CA10: variants seen among roughly 807,000 people sequenced by gnomAD.
The protein encoded by CA10 is carbonic anhydrase 10 (inactive).
CA10 carries 14 observed loss-of-function variants against 44.2 expected under a neutral mutation model. The ratio of observed to expected loss-of-function variants is 0.32; its 90% confidence interval spans 0.21 to 0.50. The LOEUF (loss-of-function observed/expected upper bound fraction) is 0.50. Ranked by LOEUF, CA10 falls within the 20% of genes least tolerant of loss-of-function variation. The pLI is 0.99. For missense variants in CA10, 350 were observed against 409.7 expected (o/e 0.85, Z 1.26); for synonymous variants, 159 against 141.6 (o/e 1.12, Z -0.87).
chr17:51,980,616 G>C (rs926327491), intron 2 of CA10, among the ~76,000 whole-genome samples: 1 of 152,096 alleles, frequency 6.6e-6, no homozygotes, highest in African/African-American at 2.4e-5. Flanking sequence ...GGATGGTATT[G>C]CCTAGGTTGT....
At chr17:51,642,879 G>T (rs1913150368) in intron 6 of CA10, among the ~76,000 whole-genome samples, 1 of 152,154 alleles carries the variant, frequency 6.6e-6, no homozygotes, top group Admixed American at 6.5e-5. Context: ...CTGACTTCAG[G>T]TGATCTGCCC....
chr17:51,990,396 C>T (rs1214780902), intron 2 of CA10, among the ~76,000 whole-genome samples: 1 of 151,204 alleles, frequency 6.6e-6, no homozygotes, highest in African/African-American at 2.4e-5. Context: ...TCTATAATAT[C>T]CAAACAGAAT....
intron 2 of CA10, among the ~76,000 whole-genome samples, chr17:52,036,317 C>T (rs997375391): frequency 2.0e-5 from 3 of 152,158 alleles, no homozygotes; most frequent in Non-Finnish European, 2.9e-5. Flanking sequence ...AAAGTTACAA[C>T]TGTATCCTGG....
chr17:52,083,167 G>C (rs1988027179), intron 1 of CA10, among the ~76,000 whole-genome samples: 1 of 150,958 alleles, frequency 6.6e-6, no homozygotes, highest in African/African-American at 2.5e-5. Context: ...GTCAATTGTG[G>C]GGTTAATCTC....
At chr17:51,726,718 G>T (rs1417468540) in intron 4 of CA10, among the ~76,000 whole-genome samples, 1 of 152,112 alleles carries the variant, frequency 6.6e-6, no homozygotes, top group African/African-American at 2.4e-5. Flanking sequence ...GGAAAGCACA[G>T]AGCATATTCT....
chr17:51,956,504 C>T (rs764055562), intron 2 of CA10, among the ~76,000 whole-genome samples: 5 of 152,078 alleles, frequency 3.3e-5, no homozygotes, highest in Non-Finnish European at 7.4e-5. Flanking sequence ...TGTGGATACA[C>T]AAAAATAATT....
intron 4 of CA10, among the ~76,000 whole-genome samples, chr17:51,662,371 G>T (rs1914039329): frequency 6.6e-6 from 1 of 152,142 alleles, no homozygotes; most frequent in African/African-American, 2.4e-5. Context: ...AAATAAATAG[G>T]TGAAGTGAAG....
At chr17:51,742,637 G>A (rs1904509561) in intron 4 of CA10, among the ~76,000 whole-genome samples, 1 of 152,114 alleles carries the variant, frequency 6.6e-6, no homozygotes, top group South Asian at 2.1e-4. Flanking sequence ...TTCTGATTCA[G>A]AGCCACTGAG....
intron 4 of CA10, among the ~76,000 whole-genome samples, chr17:51,728,089 G>T (rs1916589588): frequency 6.6e-6 from 1 of 152,060 alleles, no homozygotes; most frequent in African/African-American, 2.4e-5. Flanking sequence ...ACAAGGTCTT[G>T]CTATGTTACC....
chr17:51,834,825 C>T (rs1908416771), intron 3 of CA10, among the ~76,000 whole-genome samples: 1 of 152,174 alleles, frequency 6.6e-6, no homozygotes, highest in African/African-American at 2.4e-5. Flanking sequence ...TAAAGATACT[C>T]ATTAGTGGGG....
intron 1 of CA10, among the ~76,000 whole-genome samples, chr17:52,105,465 C>T (rs1452692540): frequency 1.3e-5 from 2 of 152,182 alleles, no homozygotes; most frequent in Middle Eastern, 3.4e-3. Context: ...CCGTGTTAGC[C>T]AGGATGGTCT....
intron 3 of CA10, among the ~76,000 whole-genome samples, chr17:51,928,217 A>G (rs1042831193): frequency 6.6e-6 from 1 of 152,190 alleles, no homozygotes; most frequent in Non-Finnish European, 1.5e-5. Flanking sequence ...GTAATTATAT[A>G]CAATATTTTA....
chr17:51,877,644 G>A (rs1345333548), intron 3 of CA10, among the ~76,000 whole-genome samples: 1 of 152,094 alleles, frequency 6.6e-6, no homozygotes, highest in African/African-American at 2.4e-5. Context: ...CAGGTGTGCT[G>A]GTACACCATC....
At chr17:51,936,257 T>C (rs553133144) in intron 2 of CA10, among the ~76,000 whole-genome samples, 3 of 152,182 alleles carry the variant, frequency 2.0e-5, no homozygotes, top group Non-Finnish European at 4.4e-5. Context: ...CCTATTCTCA[T>C]GAATCTTGCA....
chr17:51,711,744 T>G (rs8066610), intron 4 of CA10, among the ~76,000 whole-genome samples: 5,375 of 152,290 alleles, frequency 0.035, 131 homozygotes, highest in Middle Eastern at 0.054. Context: ...AGTATGAATC[T>G]CACAACAAAA....
chr17:52,118,302 G>C (rs558791120), intron 1 of CA10, among the ~76,000 whole-genome samples: 14 of 152,272 alleles, frequency 9.2e-5, no homozygotes, highest in South Asian at 4.2e-4. Flanking sequence ...CCAAGGAAAA[G>C]AAAGAGCAGA....
At chr17:51,888,369 C>T (rs545295524) in intron 3 of CA10, among the ~76,000 whole-genome samples, 7 of 152,212 alleles carry the variant, frequency 4.6e-5, no homozygotes, top group Non-Finnish European at 8.8e-5. Context: ...AATCTTTAAG[C>T]GGTACACCAT....
At chr17:52,103,264 C>A (rs1474217369) in intron 1 of CA10, among the ~76,000 whole-genome samples, 1 of 152,138 alleles carries the variant, frequency 6.6e-6, no homozygotes, top group Non-Finnish European at 1.5e-5. Context: ...CTTTGGGAAC[C>A]ACCTGTGGTT....
At chr17:51,886,453 T>C (rs1027477736) in intron 3 of CA10, among the ~76,000 whole-genome samples, 19 of 152,224 alleles carry the variant, frequency 1.2e-4, no homozygotes, top group Admixed American at 9.8e-4. Flanking sequence ...TGGAATCAGA[T>C]CTTTGCAGTA....
Sources: gnomAD v4.1 joint callset for allele counts (sites outside exome capture counted in the v4.1 genomes callset) on GRCh38, gnomAD v4.1.1 for gene constraint, MANE v1.5 for transcripts, NCBI Gene and HGNC (gene_info 2026-07-23, HGNC 2026-07-21) for gene names.